ALPK1: variants seen among roughly 807,000 people sequenced by gnomAD.
ALPK1 encodes alpha-protein kinase 1.
In ALPK1, 110 loss-of-function variants were observed where a neutral mutation model predicts 120.6. The observed-to-expected ratio is 0.91, with a 90% CI of 0.78 to 1.07. The LOEUF (loss-of-function observed/expected upper bound fraction) is 1.07, where lower values mean the gene tolerates loss of function less well. Among genes scored for constraint, ALPK1 ranks in the 50% least tolerant of loss-of-function variants. The pLI, the probability that ALPK1 is intolerant of heterozygous loss-of-function variation, is 0.00. For missense variants in ALPK1, 1,498 were observed against 1,483.9 expected, an observed-to-expected ratio of 1.01 and a Z score of -0.16; for synonymous variants, 582 against 560.3, an observed-to-expected ratio of 1.04 and a Z score of -0.55.
intron 2 of ALPK1, among the ~76,000 whole-genome samples, chr4:112,365,088 A>G (rs952690464): frequency 6.6e-6 from 1 of 152,228 alleles, no homozygotes; most frequent in Non-Finnish European, 1.5e-5. Flanking sequence ...TGACAAACTG[A>G]CAGTCAACAT....
chr4:112,361,852 T>A (rs912159186), intron 2 of ALPK1, among the ~76,000 whole-genome samples: 3 of 152,204 alleles, frequency 2.0e-5, no homozygotes, highest in Admixed American at 2.0e-4. Context: ...CCCTGCTACC[T>A]CCACTGGAGT....
At chr4:112,366,009 GA>G (rs1731135922) in intron 2 of ALPK1, among the ~76,000 whole-genome samples, 1 of 152,128 alleles carries the variant, frequency 6.6e-6, no homozygotes, top group African/African-American at 2.4e-5. Context: ...GCCATATGTA[GA>G]AGAATAGAAC....
At chr4:112,429,851 A>G (rs1314656401) in intron 10 of ALPK1, among the ~76,000 whole-genome samples, 6 of 145,146 alleles carry the variant, frequency 4.1e-5, no homozygotes, top group East Asian at 2.1e-4. Flanking sequence ...AAAAAAAAAA[A>G]AAAGAAAAGA....
At chr4:112,425,509 A>G (rs916867) in intron 6 of ALPK1, 156 bp from the exon 7 acceptor site, 341,122 of 578,914 alleles carry the variant, frequency 0.59, 102,082 homozygotes, top group East Asian at 0.8. Flanking sequence ...AGAGCCTTAG[A>G]CTACAGCAAG....
chr4:112,317,463 T>C (rs1045757060), intron 2 of ALPK1, among the ~76,000 whole-genome samples: 7 of 152,196 alleles, frequency 4.6e-5, no homozygotes, highest in Admixed American at 4.6e-4. Context: ...TATGTGGATA[T>C]ACAGTTTTCC....
At chr4:112,380,709 A>C (rs1277683313) in intron 3 of ALPK1, among the ~76,000 whole-genome samples, 2 of 152,152 alleles carry the variant, frequency 1.3e-5, no homozygotes, top group Non-Finnish European at 2.9e-5. Context: ...AGATGATATA[A>C]AAATATTTTC....
At chr4:112,430,390 C>G in intron 10 of ALPK1, 58 bp from the exon 11 acceptor site, 2 of 1,441,150 alleles carry the variant, frequency 1.4e-6, no homozygotes, top group African/African-American at 1.4e-5. Flanking sequence ...AAAGTTTGTC[C>G]TGATTCACTT....
intron 1 of ALPK1, among the ~76,000 whole-genome samples, chr4:112,307,806 A>G (rs1215400378): frequency 6.6e-6 from 1 of 152,016 alleles, no homozygotes; most frequent in Non-Finnish European, 1.5e-5. Flanking sequence ...TTAGCTGGTT[A>G]TTTTGCTCAT....
intron 11 of ALPK1, among the ~76,000 whole-genome samples, chr4:112,434,075 T>C (rs1189409711): frequency 1.3e-5 from 2 of 152,248 alleles, no homozygotes; most frequent in Admixed American, 1.3e-4. Context: ...TAGGGTTTTC[T>C]TACTAACTGT....
intron 5 of ALPK1, among the ~76,000 whole-genome samples, chr4:112,416,655 G>T (rs568819003): frequency 6.6e-6 from 1 of 151,966 alleles, no homozygotes; most frequent in Non-Finnish European, 1.5e-5. Flanking sequence ...GGGAGGGATC[G>T]CATGAGCCCA....
chr4:112,431,463 A>C lies in ALPK1; in HGVS notation c.1916A>C (p.His639Pro). The C allele has an allele frequency of 6.2e-7, 1 of 1,614,238 alleles. No individual in the cohort carries two copies. The highest frequency in any genetic ancestry group is 1.1e-5 in the South Asian group (1 of 91,086). The change falls in exon 11 of 16, where the codon CAT becomes CCT. Residue 639 changes from histidine to proline, a missense_variant. Coordinates refer to ENST00000650871, the MANE Select transcript of ALPK1 (RefSeq NM_025144.4). ...LENDREGRAM[H>P]SLHSQLHDLS... is the part of the protein sequence containing the mutation. ...AATGACAGGGAAGGCAGAGCTATGC[A>C]TTCATTGCATTCACAGCTTCATGAT...
At chr4:112,397,070 C>G (rs540288765) in intron 4 of ALPK1, among the ~76,000 whole-genome samples, 1 of 152,194 alleles carries the variant, frequency 6.6e-6, no homozygotes, top group African/African-American at 2.4e-5. Flanking sequence ...AGCCACAGTG[C>G]CTGGCCCTGT....
intron 2 of ALPK1, among the ~76,000 whole-genome samples, chr4:112,325,146 A>C (rs1578465880): frequency 6.6e-6 from 1 of 152,212 alleles, no homozygotes; most frequent in African/African-American, 2.4e-5. Context: ...AGGACTCACT[A>C]TACAAAGTAA....
At chr4:112,359,861 A>G (rs1340788177) in intron 2 of ALPK1, 7 of 320,528 alleles carry the variant, frequency 2.2e-5, no homozygotes, top group Non-Finnish European at 3.6e-5. Flanking sequence ...TGGCTTGATC[A>G]CCTGCCTGTC....
At chr4:112,310,063 A>G (rs543247558) in intron 1 of ALPK1, among the ~76,000 whole-genome samples, 2 of 152,216 alleles carry the variant, frequency 1.3e-5, no homozygotes, top group Admixed American at 1.3e-4. Flanking sequence ...ACCTAGCCCA[A>G]TGCATGACAC....
intron 1 of ALPK1, among the ~76,000 whole-genome samples, chr4:112,303,013 T>C (rs897951126): frequency 2.0e-5 from 3 of 152,190 alleles, no homozygotes; most frequent in Admixed American, 6.6e-5. Context: ...ACTATTATGA[T>C]ACTAACACTT....
chr4:112,439,875 A>G lies in ALPK1; in HGVS notation c.3538+3A>G. 1 of 1,575,304 alleles carries G rather than the reference A, an allele frequency of 6.3e-7. No homozygotes were observed. The highest frequency in any genetic ancestry group is 8.6e-7 in the Non-Finnish European group (1 of 1,169,482). ...AGATGTTGTGGTCGATTTACAAGGT[A>G]TGTGAAACTGGGAATTATTTTTATT... is the stretch of plus-strand genomic sequence containing the variant. On this transcript the variant is annotated splice_donor_region_variant and intron_variant, in intron 14 of 15. Coordinates refer to ENST00000650871, the MANE Select transcript of ALPK1 (RefSeq NM_025144.4).
intron 1 of ALPK1, among the ~76,000 whole-genome samples, chr4:112,312,300 G>A (rs993624372): frequency 6.6e-6 from 1 of 151,028 alleles, no homozygotes; most frequent in Non-Finnish European, 1.5e-5. Context: ...TTGAGATGGA[G>A]TCTTGCTCTG....
At chr4:112,303,986 G>A (rs1727907487) in intron 1 of ALPK1, among the ~76,000 whole-genome samples, 1 of 152,046 alleles carries the variant, frequency 6.6e-6, no homozygotes, top group African/African-American at 2.4e-5. Flanking sequence ...ACCTATGAGT[G>A]AGAACATGGG....
Sources: gnomAD v4.1 joint callset for allele counts (sites outside exome capture counted in the v4.1 genomes callset) on GRCh38, gnomAD v4.1.1 for gene constraint, MANE v1.5 for transcripts, NCBI Gene and HGNC (gene_info 2026-07-23, HGNC 2026-07-21) for gene names.